Variants in DUS2 observed in about 807,000 individuals in gnomAD.
DUS2 encodes the protein dihydrouridine synthase 2.
A neutral mutation model predicts 71.3 loss-of-function variants in DUS2; 52 were observed. The observed-to-expected ratio is 0.73, with a 90% CI of 0.58 to 0.92. The LOEUF is 0.92. Among genes scored for constraint, DUS2 ranks in the 40% least tolerant of loss-of-function variants. The pLI, the probability that DUS2 is intolerant of heterozygous loss-of-function variation, is 0.00. For synonymous variants in DUS2, 204 were observed against 227.8 expected (o/e 0.90, Z 0.94); for missense variants, 558 against 622.6 (o/e 0.90, Z 1.10).
At chr16:68,046,110 G>A (rs1209924738) in intron 3 of DUS2, among the ~76,000 whole-genome samples, 1 of 152,154 alleles carries the variant, frequency 6.6e-6, no homozygotes, top group Non-Finnish European at 1.5e-5. Context: ...TACCATGTGT[G>A]ATGCTGAGGG....
intron 2 of DUS2, among the ~76,000 whole-genome samples, chr16:68,032,316 A>G (rs958765063): frequency 1.3e-5 from 2 of 152,166 alleles, no homozygotes; most frequent in South Asian, 2.1e-4. Context: ...TCTAAAGGTC[A>G]TGTACCTGGC....
chr16:68,075,204 G>C (rs866237060), intron 13 of DUS2, 151 bp from the exon 14 acceptor site: 1 of 645,434 alleles, frequency 1.5e-6, no homozygotes, highest in African/African-American at 1.8e-5. Context: ...TCCCAGGGCT[G>C]GGCAGGGGGC....
chr16:68,038,195 C>T (rs374243258), intron 3 of DUS2, 46 bp downstream of exon 3: 1 of 1,607,326 alleles, frequency 6.2e-7, no homozygotes, highest in Non-Finnish European at 8.5e-7. Context: ...CAAGTACAGA[C>T]TCCTCTTCAT....
rs77183187 is a variant in DUS2, at chr16:68,056,188, G to T, written c.309-176G>T. Among the ~76,000 whole-genome samples the T allele has an allele frequency of 8.2e-3, 1,253 of 152,152 alleles. 17 individuals carry two copies. The highest frequency in any genetic ancestry group is 0.028 in the African/African-American group (1,172 of 41,512). The stretch of plus-strand genomic sequence containing the variant: ...TTCTGCTTAGATGAGGCAGGTGCAC[G>T]TTTTAAGGATGGGTTTCTTTCCCAT... On this transcript the variant is annotated intron_variant, in intron 6 of 16. Coordinates refer to ENST00000565263, the MANE Select transcript of DUS2 (RefSeq NM_017803.5).
At chr16:68,070,863 T>C in intron 11 of DUS2, 77 bp from the exon 12 acceptor site, 1 of 1,528,692 alleles carries the variant, frequency 6.5e-7, no homozygotes, top group Non-Finnish European at 9.0e-7. Context: ...CAGTGGCAGA[T>C]CTGAGAGCTG....
In DUS2 at chr16:68,046,186, C is replaced by G. The variant is rs535505402; in HGVS notation, c.127-3319C>G. On this transcript the variant is annotated intron_variant, in intron 3 of 16. Coordinates refer to ENST00000565263, the MANE Select transcript of DUS2 (RefSeq NM_017803.5). ...ATACCCAATAGGATCTTTTTTAGCCCTTGCCTCCTCTCTGCTTCCTGCCTT... is the reference window on the plus strand; with the variant it reads ...ATACCCAATAGGATCTTTTTTAGCCGTTGCCTCCTCTCTGCTTCCTGCCTT... Among the ~76,000 whole-genome samples, 6 of 152,204 alleles carry G rather than the reference C, an allele frequency of 3.9e-5. No homozygotes were observed. The East Asian group carries it at 1.2e-3, about 29-fold the overall frequency.
chr16:68,038,047 G>C lies in DUS2; in HGVS notation c.24G>C (p.Leu8=), dbSNP rs749847774. 2.5e-6 allele frequency: 4 copies of C among 1,613,756 alleles called. No homozygotes were observed. The highest frequency in any genetic ancestry group is 3.4e-6 in the Non-Finnish European group (4 of 1,179,860). ...AAATGATTTTGAATAGCCTCTCTCT[G>C]TGTTACCATAATAAGCTAATCCTGG... The part of the protein sequence containing the change: MILNSLS[L]CYHNKLILAP... The change falls in exon 3 of 17, where the codon CTG becomes CTC. Residue 8 remains leucine, a synonymous_variant. Coordinates refer to ENST00000565263, the MANE Select transcript of DUS2 (RefSeq NM_017803.5).
At chr16:68,077,155 G>C (rs779274926) in intron 15 of DUS2, among the ~76,000 whole-genome samples, 2 of 151,796 alleles carry the variant, frequency 1.3e-5, no homozygotes, top group Non-Finnish European at 2.9e-5. Context: ...TTGGGAGGCT[G>C]AGGCAGAGAA....
chr16:68,048,842 C>G (rs1567474585), intron 3 of DUS2, among the ~76,000 whole-genome samples: 1 of 152,172 alleles, frequency 6.6e-6, no homozygotes, highest in Non-Finnish European at 1.5e-5. Flanking sequence ...CAAAGCAGAA[C>G]AGTCTTGTCT....
intron 3 of DUS2, among the ~76,000 whole-genome samples, chr16:68,038,623 G>A (rs2033570955): frequency 6.6e-6 from 1 of 151,730 alleles, no homozygotes; most frequent in South Asian, 2.1e-4. Context: ...CCAGCTACTC[G>A]GGAGGGTGAG....
chr16:68,047,916 G>C (rs2033728371), intron 3 of DUS2, among the ~76,000 whole-genome samples: 1 of 151,990 alleles, frequency 6.6e-6, no homozygotes, highest in African/African-American at 2.4e-5. Flanking sequence ...ATGTAGCTGG[G>C]ACCACAGGCA....
At chr16:68,059,043 G>A (rs1438582280) in intron 7 of DUS2, among the ~76,000 whole-genome samples, 1 of 152,046 alleles carries the variant, frequency 6.6e-6, no homozygotes, top group Non-Finnish European at 1.5e-5. Context: ...GAAACCGCAT[G>A]TCTACCAAAA....
chr16:68,068,064 G>A (rs1364340653), intron 10 of DUS2, among the ~76,000 whole-genome samples: 1 of 152,214 alleles, frequency 6.6e-6, no homozygotes, highest in Non-Finnish European at 1.5e-5. Context: ...TCTATGCTGA[G>A]AGCTGAGGTT....
At chr16:68,054,900 G>T (rs1260821840) in intron 6 of DUS2, among the ~76,000 whole-genome samples, 1 of 152,100 alleles carries the variant, frequency 6.6e-6, no homozygotes, top group East Asian at 1.9e-4. Flanking sequence ...AAAATTAGCT[G>T]GGTGTGGTGG....
chr16:68,032,164 C>G (rs936193746), intron 2 of DUS2, among the ~76,000 whole-genome samples: 6 of 152,300 alleles, frequency 3.9e-5, no homozygotes, highest in Non-Finnish European at 7.3e-5. Flanking sequence ...TAGTTTTTCT[C>G]AGAGGAGCCT....
chr16:68,045,937 C>T (rs935962800), intron 3 of DUS2, among the ~76,000 whole-genome samples: 5 of 152,200 alleles, frequency 3.3e-5, no homozygotes, highest in Admixed American at 2.0e-4. Context: ...AGACTGGTCT[C>T]GAACTCCTGA....
At chr16:68,078,546 G>C in intron 16 of DUS2, 28 bp downstream of exon 16, 1 of 1,609,072 alleles carries the variant, frequency 6.2e-7, no homozygotes, top group Non-Finnish European at 8.5e-7. Flanking sequence ...AGGAGAGGAG[G>C]CTTGGGGTGG....
intron 10 of DUS2, among the ~76,000 whole-genome samples, chr16:68,068,553 C>T (rs1001470556): frequency 5.3e-5 from 8 of 150,374 alleles, no homozygotes; most frequent in African/African-American, 1.7e-4. Context: ...ATCCTTGGCA[C>T]AGTGCCTGGC....
intron 13 of DUS2, 34 bp downstream of exon 13, chr16:68,074,189 G>A: frequency 6.2e-7 from 1 of 1,612,718 alleles, no homozygotes; most frequent in Non-Finnish European, 8.5e-7. Flanking sequence ...ATCTGTCCTT[G>A]TACGCATTGC....
Sources: gnomAD v4.1 joint callset for allele counts (sites outside exome capture counted in the v4.1 genomes callset) on GRCh38, gnomAD v4.1.1 for gene constraint, MANE v1.5 for transcripts, NCBI Gene and HGNC (gene_info 2026-07-23, HGNC 2026-07-21) for gene names.